Variants in SOX5 observed in about 807,000 individuals in gnomAD.
The protein encoded by SOX5 is SRY-box transcription factor 5, also known as transcription factor SOX-5.
Under a neutral mutation model 92.0 loss-of-function variants are expected in SOX5, and 9 were observed. That is an observed-to-expected ratio of 0.10 (90% CI 0.06 to 0.17). The LOEUF is 0.17. Ranked by LOEUF, SOX5 falls within the 10% of genes least tolerant of loss-of-function variation. The probability of loss-of-function intolerance (pLI) is 1.00; values close to 1 mark genes in which losing one functional copy is unlikely to be tolerated. For missense variants in SOX5, 642 were observed against 944.5 expected, an observed-to-expected ratio of 0.68 and a Z score of 4.20; for synonymous variants, 344 against 336.3, an observed-to-expected ratio of 1.02 and a Z score of -0.25.
At chr12:23,991,035 C>T (rs1039211160) in intron 4 of SOX5, among the ~76,000 whole-genome samples, 3 of 142,758 alleles carry the variant, frequency 2.1e-5, no homozygotes, top group Non-Finnish European at 3.2e-5. Context: ...AAATGAGCTT[C>T]GTAATACTGA....
intron 4 of SOX5, among the ~76,000 whole-genome samples, chr12:23,981,063 C>T (rs1949527986): frequency 6.6e-6 from 1 of 152,148 alleles, no homozygotes; most frequent in Admixed American, 6.6e-5. Flanking sequence ...GAAGCTACCA[C>T]AGTCTATTTT....
chr12:23,586,327 T>C (rs1355119124), intron 9 of SOX5, among the ~76,000 whole-genome samples: 1 of 152,118 alleles, frequency 6.6e-6, no homozygotes, highest in African/African-American at 2.4e-5. Context: ...ACAAACACTA[T>C]TCCCAAGAGA....
chr12:23,821,698 T>C (rs1383180468), intron 3 of SOX5, among the ~76,000 whole-genome samples: 1 of 152,234 alleles, frequency 6.6e-6, no homozygotes. Flanking sequence ...ATAAGCTTTT[T>C]AATGTGCTGC....
At chr12:23,663,426 G>A (rs556550551) in intron 7 of SOX5, among the ~76,000 whole-genome samples, 2 of 152,056 alleles carry the variant, frequency 1.3e-5, no homozygotes, top group Non-Finnish European at 2.9e-5. Flanking sequence ...TGAGAGTGAG[G>A]TGGAGGTGTT....
chr12:23,973,852 G>A (rs1197686915), intron 4 of SOX5, among the ~76,000 whole-genome samples: 3 of 152,132 alleles, frequency 2.0e-5, no homozygotes, highest in African/African-American at 4.8e-5. Context: ...CTGCACATGC[G>A]AGGGATCTAG....
chr12:24,271,166 T>C (rs924502236), intron 3 of SOX5, among the ~76,000 whole-genome samples: 2 of 152,340 alleles, frequency 1.3e-5, no homozygotes, highest in Non-Finnish European at 1.5e-5. Context: ...CTCTCCAACC[T>C]TGTCAACGCT....
At chr12:24,172,078 C>T (rs992758833) in intron 4 of SOX5, among the ~76,000 whole-genome samples, 156 of 139,166 alleles carry the variant, frequency 1.1e-3, no homozygotes, top group African/African-American at 3.7e-3. Flanking sequence ...ACTGTGTGTG[C>T]GTGTGTGTGT....
chr12:23,950,811 A>C, upstream of SOX5: 1 of 1,457,322 alleles, frequency 6.9e-7, no homozygotes, highest in South Asian at 1.2e-5. Context: ...GTAATCAGGT[A>C]ATGTACCTTT....
chr12:24,012,415 T>C (rs1337814544), intron 4 of SOX5, among the ~76,000 whole-genome samples: 2 of 152,174 alleles, frequency 1.3e-5, no homozygotes, highest in Non-Finnish European at 2.9e-5. Flanking sequence ...ACGGAAGTCC[T>C]ACTGTCTACA....
chr12:24,006,489 A>G (rs1033198725), intron 4 of SOX5, among the ~76,000 whole-genome samples: 1 of 151,946 alleles, frequency 6.6e-6, no homozygotes, highest in African/African-American at 2.4e-5. Context: ...AATTGAGCAT[A>G]AGTCACTCAG....
At chr12:24,236,174 G>A (rs974495170) in intron 3 of SOX5, among the ~76,000 whole-genome samples, 1 of 151,748 alleles carries the variant, frequency 6.6e-6, no homozygotes, top group African/African-American at 2.4e-5. Context: ...CTCCAGCCTG[G>A]GCAACACAGT....
intron 3 of SOX5, among the ~76,000 whole-genome samples, chr12:24,251,262 C>T (rs1163092682): frequency 1.3e-5 from 2 of 151,972 alleles, no homozygotes; most frequent in Non-Finnish European, 2.9e-5. Context: ...AGACTTGATC[C>T]AATTTTAGGG....
chr12:23,777,071 T>C (rs766406551), intron 3 of SOX5, among the ~76,000 whole-genome samples: 3 of 152,230 alleles, frequency 2.0e-5, no homozygotes, highest in Non-Finnish European at 4.4e-5. Context: ...CTGGAAGTTA[T>C]CTGTCTTGGC....
intron 1 of SOX5, among the ~76,000 whole-genome samples, chr12:24,395,785 A>G (rs937967975): frequency 3.3e-5 from 5 of 152,142 alleles, no homozygotes; most frequent in Non-Finnish European, 7.4e-5. Flanking sequence ...CCTGCTTCTA[A>G]TCTTCTAGAA....
intron 4 of SOX5, among the ~76,000 whole-genome samples, chr12:23,750,394 A>C (rs1410618734): frequency 6.6e-6 from 1 of 151,956 alleles, no homozygotes; most frequent in Admixed American, 6.6e-5. Context: ...ATAAACCAAA[A>C]GTGGTAGCCC....
intron 1 of SOX5, among the ~76,000 whole-genome samples, chr12:24,468,758 A>G (rs1944484426): frequency 6.6e-6 from 1 of 152,048 alleles, no homozygotes; most frequent in Non-Finnish European, 1.5e-5. Context: ...TTCTTTTCCC[A>G]TGTTTCCATT....
At chr12:24,481,544 A>T (rs1188437936) in intron 1 of SOX5, among the ~76,000 whole-genome samples, 1 of 152,228 alleles carries the variant, frequency 6.6e-6, no homozygotes, top group Non-Finnish European at 1.5e-5. Flanking sequence ...ATAAATATAT[A>T]TACTTACTAG....
At chr12:23,738,308 T>C (rs2093676929) in intron 5 of SOX5, 1 of 152,242 alleles carries the variant, frequency 6.6e-6, no homozygotes, top group African/African-American at 2.4e-5. Flanking sequence ...AAGACGAACC[T>C]GCCCTGACCC....
intron 4 of SOX5, among the ~76,000 whole-genome samples, chr12:24,165,977 C>T (rs1199427388): frequency 1.3e-5 from 2 of 151,972 alleles, no homozygotes; most frequent in Non-Finnish European, 2.9e-5. Context: ...AACAACCATA[C>T]TAGAAGCAGC....
Sources: allele counts gnomAD v4.1 joint callset (sites outside exome capture counted in the v4.1 genomes callset), GRCh38; gene constraint gnomAD v4.1.1; transcripts MANE v1.5; gene names NCBI Gene and HGNC (gene_info 2026-07-23, HGNC 2026-07-21).